UBE2D1: variants seen among roughly 807,000 people sequenced by gnomAD.
UBE2D1 encodes ubiquitin-conjugating enzyme E2 D1.
A neutral mutation model predicts 24.6 loss-of-function variants in UBE2D1; 9 were observed. That is an observed-to-expected ratio of 0.37 (90% CI 0.22 to 0.64). The LOEUF (loss-of-function observed/expected upper bound fraction) is 0.64, where lower values mean the gene tolerates loss of function less well. Among genes scored for constraint, UBE2D1 ranks in the 30% least tolerant of loss-of-function variants. The pLI is 0.64. For missense variants in UBE2D1, 87 were observed against 177.1 expected (o/e 0.49, Z 2.89); for synonymous variants, 57 against 57.6 (o/e 0.99, Z 0.04).
intron 1 of UBE2D1, among the ~76,000 whole-genome samples, chr10:58,346,647 A>G (rs984995823): frequency 6.6e-6 from 1 of 152,262 alleles, no homozygotes; most frequent in East Asian, 1.9e-4. Context: ...AGCACTGGGG[A>G]AAAGTGTTGC....
At chr10:58,346,115 A>G (rs571996866) in intron 1 of UBE2D1, among the ~76,000 whole-genome samples, 3 of 151,338 alleles carry the variant, frequency 2.0e-5, no homozygotes, top group South Asian at 2.1e-4. Flanking sequence ...GGTTCAAGCA[A>G]TTTTCCTGCC....
chr10:58,363,794 G>C, intron 4 of UBE2D1, 108 bp downstream of exon 4: 1 of 722,272 alleles, frequency 1.4e-6, no homozygotes, highest in South Asian at 2.3e-5. Flanking sequence ...AGACTGTGGG[G>C]AGGTTAGCAT....
At chr10:58,342,939 C>G (rs1839978098) in intron 1 of UBE2D1, among the ~76,000 whole-genome samples, 2 of 151,234 alleles carry the variant, frequency 1.3e-5, no homozygotes, top group East Asian at 3.9e-4. Context: ...AAGCAATTCT[C>G]CTGCCTCAGT....
chr10:58,361,642 C>T, intron 3 of UBE2D1, 116 bp downstream of exon 3: 1 of 1,362,852 alleles, frequency 7.3e-7, no homozygotes, highest in Non-Finnish European at 1.0e-6. Flanking sequence ...TTTGAATCAC[C>T]TAGGAAGCAA....
intron 5 of UBE2D1, among the ~76,000 whole-genome samples, chr10:58,365,448 G>A (rs1411935112): frequency 1.3e-5 from 2 of 152,214 alleles, no homozygotes; most frequent in Non-Finnish European, 2.9e-5. Context: ...ATTGATAAAT[G>A]ATTTAAGATG....
At chr10:58,341,658 C>T (rs1190340264) in intron 1 of UBE2D1, among the ~76,000 whole-genome samples, 1 of 152,118 alleles carries the variant, frequency 6.6e-6, no homozygotes, top group Non-Finnish European at 1.5e-5. Flanking sequence ...GTGGGATTGC[C>T]TCCAGGAAAG....
At chr10:58,359,647 C>T (rs975786980) in intron 1 of UBE2D1, among the ~76,000 whole-genome samples, 2 of 152,170 alleles carry the variant, frequency 1.3e-5, no homozygotes, top group Non-Finnish European at 2.9e-5. Flanking sequence ...ATGAGATGAT[C>T]GCCCACCTGG....
At chr10:58,338,028 G>T (rs1398839809) in intron 1 of UBE2D1, among the ~76,000 whole-genome samples, 1 of 151,966 alleles carries the variant, frequency 6.6e-6, no homozygotes, top group Non-Finnish European at 1.5e-5. Context: ...TTGTATTTTA[G>T]TAGAGATGGG....
chr10:58,358,599 G>A (rs1281118546), intron 1 of UBE2D1, among the ~76,000 whole-genome samples: 2 of 152,118 alleles, frequency 1.3e-5, no homozygotes, highest in Non-Finnish European at 2.9e-5. Context: ...TGTGGATGGA[G>A]GTAGTGCCAC....
chr10:58,364,657 C>A, intron 4 of UBE2D1, 114 bp from the exon 5 acceptor site: 1 of 684,012 alleles, frequency 1.5e-6, no homozygotes, highest in Non-Finnish European at 2.5e-6. Context: ...TGACTTTTCT[C>A]CTCTAAAGTT....
intron 1 of UBE2D1, among the ~76,000 whole-genome samples, chr10:58,356,177 A>G (rs1391467114): frequency 2.0e-5 from 3 of 152,170 alleles, no homozygotes; most frequent in Non-Finnish European, 4.4e-5. Context: ...AAAAAGTTAC[A>G]AAAGTATTAT....
Position 58,368,707 on chromosome 10 carries a change from T to G in UBE2D1, c.399-13T>G. 1 of 1,554,426 alleles carries G rather than the reference T, an allele frequency of 6.4e-7. No homozygotes were observed. Among genetic ancestry groups the G allele is most frequent in the South Asian group, 1.2e-5 (1 of 83,170 alleles). ...TTGTATGTTTTTACTATATCCTTTT[T>G]GTGTATCTACAGATACAACAGACAT... On this transcript the variant is annotated splice_polypyrimidine_tract_variant and intron_variant, in intron 6 of 6. Coordinates refer to ENST00000373910, the MANE Select transcript of UBE2D1 (RefSeq NM_003338.5).
At chr10:58,361,622 A>T in intron 3 of UBE2D1, 96 bp downstream of exon 3, 1 of 1,531,202 alleles carries the variant, frequency 6.5e-7, no homozygotes. Context: ...AAGGTTGAAT[A>T]TTCTTGTACT....
At chr10:58,364,505 T>A (rs1589004190) in intron 4 of UBE2D1, 1 of 288,394 alleles carries the variant, frequency 3.5e-6, no homozygotes, top group Non-Finnish European at 6.5e-6. Flanking sequence ...TACCGGCTAC[T>A]AGAGACTTAT....
At chr10:58,363,169 T>A (rs181770208) in intron 3 of UBE2D1, among the ~76,000 whole-genome samples, 67 of 152,276 alleles carry the variant, frequency 4.4e-4, no homozygotes, top group African/African-American at 1.5e-3. Flanking sequence ...CCATTCTTGG[T>A]CATCAAGTGA....
intron 1 of UBE2D1, among the ~76,000 whole-genome samples, chr10:58,353,656 T>C (rs1443953131): frequency 2.6e-5 from 4 of 152,234 alleles, no homozygotes; most frequent in African/African-American, 7.2e-5. Context: ...AAAATAGTTG[T>C]GACAATGGCA....
intron 1 of UBE2D1, among the ~76,000 whole-genome samples, chr10:58,346,034 G>C (rs1450301811): frequency 6.7e-6 from 1 of 148,664 alleles, no homozygotes; most frequent in African/African-American, 2.5e-5. Context: ...TTTTTTAGAC[G>C]GAGTCTCACT....
At chr10:58,354,635 C>T (rs576015387) in intron 1 of UBE2D1, among the ~76,000 whole-genome samples, 3 of 152,056 alleles carry the variant, frequency 2.0e-5, no homozygotes, top group Admixed American at 2.0e-4. Context: ...AGTTCAAGAC[C>T]AGCCTGGCCA....
At chr10:58,337,579 T>A (rs1839916119) in intron 1 of UBE2D1, among the ~76,000 whole-genome samples, 1 of 152,112 alleles carries the variant, frequency 6.6e-6, no homozygotes, top group African/African-American at 2.4e-5. Flanking sequence ...TACCTATAGA[T>A]GGTGGCAGGC....
Sources: gnomAD v4.1 joint callset for allele counts (sites outside exome capture counted in the v4.1 genomes callset) on GRCh38, gnomAD v4.1.1 for gene constraint, MANE v1.5 for transcripts, NCBI Gene and HGNC (gene_info 2026-07-23, HGNC 2026-07-21) for gene names.